The following ANK3 variants were observed in gnomAD, a reference collection of about 807,000 sequenced individuals.
The protein encoded by ANK3 is ankyrin 3.
ANK3 carries 57 observed loss-of-function variants against 370.9 expected under a neutral mutation model. The ratio of observed to expected loss-of-function variants is 0.15; its 90% confidence interval spans 0.12 to 0.19. The LOEUF is 0.19. Among genes scored for constraint, ANK3 ranks in the 10% least tolerant of loss-of-function variants. The pLI is 1.00. For synonymous variants in ANK3, 1,929 were observed against 1,946.3 expected, an observed-to-expected ratio of 0.99 and a Z score of 0.23; for missense variants, 4,439 against 5,302.1, an observed-to-expected ratio of 0.84 and a Z score of 5.06.
chr10:60,600,828 C>T (rs973563639), intron 2 of ANK3, among the ~76,000 whole-genome samples: 16 of 152,212 alleles, frequency 1.1e-4, no homozygotes, highest in African/African-American at 3.9e-4. Context: ...AAATAATTTG[C>T]TGTCAGGTAA....
At position 60,566,610 on chromosome 10, in the gene ANK3, C is replaced by T. The variant is rs553016169; in HGVS notation, c.96+48576G>A. On this transcript the variant is annotated intron_variant, in intron 2 of 43. Coordinates refer to the ANK3 transcript ENST00000373827. Reference sequence around the variant, plus strand: ...CACTAGCCAGGCATGGTGGAGCTCACACCTGTAATTCCAGCACTTTGGAAG... The same window carrying T: ...CACTAGCCAGGCATGGTGGAGCTCATACCTGTAATTCCAGCACTTTGGAAG... Among the ~76,000 whole-genome samples the T allele has an allele frequency of 5.5e-4, 84 of 152,330 alleles. No homozygotes were observed. In the South Asian group the frequency reaches 0.017, roughly 31 times the overall value.
intron 1 of ANK3, among the ~76,000 whole-genome samples, chr10:60,377,132 G>T (rs553867180): frequency 6.6e-6 from 1 of 152,208 alleles, no homozygotes; most frequent in African/African-American, 2.4e-5. Context: ...TTGAATCGGG[G>T]TGCAGTGGCC....
Position 60,509,608 on chromosome 10 carries a change from T to G in ANK3, c.96+105578A>C, listed in dbSNP as rs545006430. ...CCCTCATGGGATTCATTTTGACATGTTTTTGAAAGACTTGAGGAAGAGTCT... is the reference window on the plus strand; with the variant it reads ...CCCTCATGGGATTCATTTTGACATGGTTTTGAAAGACTTGAGGAAGAGTCT... On this transcript the variant is annotated intron_variant, in intron 2 of 43. Transcript: ENST00000373827. 5.9e-5 allele frequency among the ~76,000 whole-genome samples: 9 copies of G among 152,274 alleles called. No homozygotes were observed. The South Asian group carries it at 6.2e-4, about 11-fold the overall frequency.
intron 2 of ANK3, among the ~76,000 whole-genome samples, chr10:60,485,050 A>T (rs1391038596): frequency 1.3e-5 from 2 of 152,216 alleles, no homozygotes; most frequent in African/African-American, 4.8e-5. Context: ...TCAAAAATTA[A>T]TATAGTAAAA....
chr10:60,201,708 C>CT (rs10544317), intron 12 of ANK3, among the ~76,000 whole-genome samples: 3,027 of 120,132 alleles, frequency 0.025, 71 homozygotes, highest in Admixed American at 0.064. Context: ...GAAATCACTT[C>CT]TTTTTTTTTT....
chr10:60,318,593 C>A (rs1417405505), intron 1 of ANK3, among the ~76,000 whole-genome samples: 3 of 152,118 alleles, frequency 2.0e-5, no homozygotes, highest in African/African-American at 7.2e-5. Flanking sequence ...TAGTGGTTCT[C>A]TGAACTCTGG....
chr10:60,689,644 C>T (rs555266869), intron 1 of ANK3, among the ~76,000 whole-genome samples: 1 of 151,016 alleles, frequency 6.6e-6, no homozygotes, highest in Non-Finnish European at 1.5e-5. Context: ...CCCAGCTACT[C>T]AGGAAGCTGA....
chr10:60,349,234 C>T (rs9988785), intron 1 of ANK3, among the ~76,000 whole-genome samples: 104,249 of 152,092 alleles, frequency 0.69, 37,175 homozygotes, highest in South Asian at 0.9. Context: ...ACTTGTGATC[C>T]CATGAATTCA....
chr10:60,053,613 T>C, intron 42 of ANK3: 1 of 1,215,998 alleles, frequency 8.2e-7, no homozygotes, highest in Non-Finnish European at 1.1e-6. Context: ...CCAAATGGAA[T>C]TTTCTCAGTA....
chr10:60,277,973 A>G (rs983874304), intron 4 of ANK3, among the ~76,000 whole-genome samples: 11 of 152,208 alleles, frequency 7.2e-5, no homozygotes, highest in Non-Finnish European at 1.6e-4. Context: ...TGGAGACTCA[A>G]ATAATGAATA....
At chr10:60,447,147 T>A (rs1354086475) in intron 2 of ANK3, among the ~76,000 whole-genome samples, 1 of 152,132 alleles carries the variant, frequency 6.6e-6, no homozygotes, top group Non-Finnish European at 1.5e-5. Flanking sequence ...TTGCTTCCAT[T>A]TCAGGGAAGG....
chr10:60,341,618 G>A (rs997387938), intron 1 of ANK3, among the ~76,000 whole-genome samples: 5 of 152,082 alleles, frequency 3.3e-5, no homozygotes, highest in African/African-American at 1.2e-4. Context: ...TTATGTGCCT[G>A]TCCATTTTTC....
rs754349234 is a variant in ANK3 at position 60,138,957 on chromosome 10, G to A, written c.2738+7C>T. ...ATTAACTATGAAAGACAGCAACAAC[G>A]AAGTACCTGGCAGAACGCGCTCCGA... On this transcript the variant is annotated splice_region_variant and intron_variant, in intron 24 of 43. Transcript: ENST00000280772. The A allele has an allele frequency of 6.2e-6, 10 of 1,612,622 alleles. No individual in the cohort carries two copies. Among genetic ancestry groups the A allele is most frequent in the South Asian group, 4.4e-5 (4 of 90,860 alleles).
intron 4 of ANK3, among the ~76,000 whole-genome samples, chr10:60,271,713 C>T (rs924758107): frequency 3.3e-5 from 5 of 152,002 alleles, no homozygotes; most frequent in African/African-American, 1.2e-4. Context: ...CCTTACTTAT[C>T]CATAAGTTCA....
chr10:60,094,681 T>C (rs566682537), intron 28 of ANK3, among the ~76,000 whole-genome samples: 1 of 152,324 alleles, frequency 6.6e-6, no homozygotes, highest in Admixed American at 6.5e-5. Flanking sequence ...TATGAAATTC[T>C]AGGATATTGC....
intron 2 of ANK3, among the ~76,000 whole-genome samples, chr10:60,574,074 G>A (rs1421107452): frequency 6.6e-6 from 1 of 152,126 alleles, no homozygotes; most frequent in Non-Finnish European, 1.5e-5. Flanking sequence ...CAGTGGTTGA[G>A]GACATGACGC....
chr10:60,244,936 G>T (rs1226749342), intron 7 of ANK3, among the ~76,000 whole-genome samples: 2 of 152,270 alleles, frequency 1.3e-5, no homozygotes, highest in South Asian at 4.1e-4. Flanking sequence ...TTGGGAGGCC[G>T]AGGCGGGCGG....
At chr10:60,410,012 C>A (rs2063527616) in intron 2 of ANK3, among the ~76,000 whole-genome samples, 1 of 152,106 alleles carries the variant, frequency 6.6e-6, no homozygotes, top group Admixed American at 6.6e-5. Flanking sequence ...CCCTCCACTT[C>A]CCCTCTCCAC....
At chr10:60,559,652 A>G (rs2077289520) in intron 2 of ANK3, among the ~76,000 whole-genome samples, 1 of 152,160 alleles carries the variant, frequency 6.6e-6, no homozygotes, top group South Asian at 2.1e-4. Context: ...ATGTGATTCC[A>G]TTCTCTGCTC....
Sources: allele counts gnomAD v4.1 joint callset (sites outside exome capture counted in the v4.1 genomes callset), GRCh38; gene constraint gnomAD v4.1.1; transcripts MANE v1.5; gene names NCBI Gene and HGNC (gene_info 2026-07-23, HGNC 2026-07-21).